Variants in ILRUN observed in about 807,000 individuals in gnomAD.
The protein encoded by ILRUN is inflammation and lipid regulator with UBA-like and NBR1-like domains.
ILRUN carries 3 observed loss-of-function variants against 33.8 expected under a neutral mutation model. The observed-to-expected ratio is 0.09, with a 90% CI of 0.04 to 0.23. ILRUN has a LOEUF of 0.23. Ranked by LOEUF, ILRUN falls within the 10% of genes least tolerant of loss-of-function variation. ILRUN has a pLI of 1.00. For missense variants in ILRUN, 210 were observed against 375.1 expected, an observed-to-expected ratio of 0.56 and a Z score of 3.64; for synonymous variants, 124 against 138.9, an observed-to-expected ratio of 0.89 and a Z score of 0.75.
At position 34,635,843 on chromosome 6, in the gene ILRUN, A is replaced by T. The variant is rs541440168; in HGVS notation, c.511+10758T>A. On this transcript the variant is annotated intron_variant, in intron 3 of 4. Coordinates refer to ENST00000374023, the MANE Select transcript of ILRUN (RefSeq NM_024294.4). ...CACCATGTTGGACAGGCTGGTCTTGAACTCCTGACCTCTGGTGATCCACGC... is the reference window on the plus strand; with the variant it reads ...CACCATGTTGGACAGGCTGGTCTTGTACTCCTGACCTCTGGTGATCCACGC... Among the ~76,000 whole-genome samples, 4 of 152,100 alleles carry T rather than the reference A, an allele frequency of 2.6e-5. 1 individual carries two copies. In the South Asian group the frequency reaches 8.3e-4, roughly 32 times the overall value.
At chr6:34,670,957 T>C (rs1353005762) in intron 1 of ILRUN, among the ~76,000 whole-genome samples, 1 of 151,752 alleles carries the variant, frequency 6.6e-6, no homozygotes, top group African/African-American at 2.4e-5. Context: ...ACAGCACAAC[T>C]CTTGAGATAT....
chr6:34,664,375 T>C (rs887786110), intron 1 of ILRUN, among the ~76,000 whole-genome samples: 1 of 152,184 alleles, frequency 6.6e-6, no homozygotes, highest in African/African-American at 2.4e-5. Flanking sequence ...CTTGTTATGT[T>C]GCCCAGGCTG....
In ILRUN at chr6:34,646,388, G is replaced by A. The variant is rs967266036; in HGVS notation, c.511+213C>T. Among the ~76,000 whole-genome samples the A allele has an allele frequency of 2.0e-5, 3 of 152,054 alleles. No homozygotes were observed. Among genetic ancestry groups the A allele is most frequent in the African/African-American group, 7.2e-5 (3 of 41,398 alleles). On this transcript the variant is annotated intron_variant, in intron 3 of 4. Transcript: ENST00000374023. The surrounding 1 kb of genome is among the most constrained non-coding windows in gnomAD (Gnocchi z 4.9). ...TTTAGAACACAAAATATAATACCTC[G>A]TACAGGTCACTAAATTATATTCCTA...
At chr6:34,603,651 A>C (rs947072380) in intron 4 of ILRUN, among the ~76,000 whole-genome samples, 2 of 152,160 alleles carry the variant, frequency 1.3e-5, no homozygotes, top group African/African-American at 4.8e-5. Context: ...CAATACATAC[A>C]CACAAACACA....
At chr6:34,682,175 T>C (rs1357135933) in intron 1 of ILRUN, among the ~76,000 whole-genome samples, 2 of 149,430 alleles carry the variant, frequency 1.3e-5, no homozygotes, top group Non-Finnish European at 3.0e-5. Context: ...CCCAGCCTTG[T>C]CTGTTTTAAG....
chr6:34,620,433 T>C (rs1324230423), intron 3 of ILRUN, among the ~76,000 whole-genome samples: 1 of 152,182 alleles, frequency 6.6e-6, no homozygotes, highest in Non-Finnish European at 1.5e-5. Context: ...GGGTAACGTC[T>C]GAGGATCGGG....
chr6:34,593,778 A>G (rs1761341753), intron 4 of ILRUN, among the ~76,000 whole-genome samples: 1 of 152,148 alleles, frequency 6.6e-6, no homozygotes, highest in South Asian at 2.1e-4. Flanking sequence ...TCTATTTGGA[A>G]GCTATTTTAC....
At chr6:34,683,499 CATATAT>C (rs769656862) in intron 1 of ILRUN, among the ~76,000 whole-genome samples, 7 of 84,524 alleles carry the variant, frequency 8.3e-5, no homozygotes, top group South Asian at 3.4e-4. Context: ...TATATATATA[CATATAT>C]ATATATATAC....
At chr6:34,650,457 C>T (rs1020064008) in intron 2 of ILRUN, among the ~76,000 whole-genome samples, 4 of 144,470 alleles carry the variant, frequency 2.8e-5, no homozygotes, top group Non-Finnish European at 6.1e-5. Context: ...ATTTATGAGT[C>T]GGAGTCTCTG....
chr6:34,650,412 TTTATTTATTTA>T (rs1762639821), intron 2 of ILRUN, among the ~76,000 whole-genome samples: 1 of 30,988 alleles, frequency 3.2e-5, no homozygotes, highest in Admixed American at 2.9e-4. Flanking sequence ...TTTATTTTTA[TTTATTTATTTA>T]TTTATTTATT....
At chr6:34,683,125 T>C (rs1334619111) in intron 1 of ILRUN, among the ~76,000 whole-genome samples, 4 of 148,996 alleles carry the variant, frequency 2.7e-5, no homozygotes, top group African/African-American at 7.5e-5. Context: ...CAAAAAAATA[T>C]ATATATACAC....
At chr6:34,639,388 G>A (rs925456414) in intron 3 of ILRUN, among the ~76,000 whole-genome samples, 6 of 152,158 alleles carry the variant, frequency 3.9e-5, no homozygotes, top group African/African-American at 1.4e-4. Flanking sequence ...GAGAGTTAGA[G>A]GAAACCGTCA....
intron 2 of ILRUN, among the ~76,000 whole-genome samples, chr6:34,652,436 ATG>A (rs977819380): frequency 6.6e-6 from 1 of 152,198 alleles, no homozygotes; most frequent in East Asian, 1.9e-4. Context: ...AGTCCAAACT[ATG>A]TGTTTGGTCA....
intron 1 of ILRUN, among the ~76,000 whole-genome samples, chr6:34,665,569 G>A (rs367869387): frequency 5.9e-5 from 9 of 152,102 alleles, no homozygotes; most frequent in South Asian, 4.1e-4. Context: ...TATAGTAGGC[G>A]TGAGCCACCA....
At position 34,631,377 on chromosome 6, in the gene ILRUN, G is replaced by A. The variant is rs188499079; in HGVS notation, c.511+15224C>T. ...GGGACTCACTCTGTCACCCAGGCTG[G>A]AGGGCAGTGGCGCGATCTCGGCTCA... is the stretch of plus-strand genomic sequence containing the variant. On this transcript the variant is annotated intron_variant, in intron 3 of 4. Transcript: ENST00000374023. 1.0e-3 allele frequency among the ~76,000 whole-genome samples: 154 copies of A among 151,880 alleles called. 1 individual carries two copies. Among genetic ancestry groups the A allele is most frequent in the Middle Eastern group, 3.4e-3 (1 of 294 alleles).
chr6:34,658,496 T>C (rs183306285), intron 1 of ILRUN, among the ~76,000 whole-genome samples: 1,894 of 150,494 alleles, frequency 0.013, 18 homozygotes, highest in Middle Eastern at 0.024. Context: ...TTTTCTTTTT[T>C]TTTTTTTTTT....
At chr6:34,600,523 G>C (rs1046301543) in intron 4 of ILRUN, among the ~76,000 whole-genome samples, 1 of 152,186 alleles carries the variant, frequency 6.6e-6, no homozygotes, top group South Asian at 2.1e-4. Flanking sequence ...AGACCCCAGA[G>C]ACTGTATCTT....
intron 3 of ILRUN, among the ~76,000 whole-genome samples, chr6:34,640,708 CAAAT>C (rs1030079517): frequency 1.4e-5 from 2 of 142,792 alleles, no homozygotes; most frequent in East Asian, 2.0e-4. Context: ...GACTCCGTCT[CAAAT>C]AAATGAATGA....
chr6:34,669,429 T>C (rs1763072319), intron 1 of ILRUN, among the ~76,000 whole-genome samples: 1 of 151,970 alleles, frequency 6.6e-6, no homozygotes, highest in African/African-American at 2.4e-5. Flanking sequence ...ATGCCCAGCC[T>C]GAGGCCTTCT....
Sources: allele counts gnomAD v4.1 joint callset (sites outside exome capture counted in the v4.1 genomes callset), GRCh38; gene constraint gnomAD v4.1.1; non-coding constraint Gnocchi (gnomAD v3.1); transcripts MANE v1.5; gene names NCBI Gene and HGNC (gene_info 2026-07-23, HGNC 2026-07-21).